The following DOK6 variants were observed in gnomAD, a reference collection of about 807,000 sequenced individuals.
DOK6 encodes downstream of tyrosine kinase 6.
In DOK6, 22 loss-of-function variants were observed where a neutral mutation model predicts 44.0. The observed-to-expected ratio is 0.50, with a 90% CI of 0.36 to 0.71. The LOEUF (loss-of-function observed/expected upper bound fraction) is 0.71. Among genes scored for constraint, DOK6 ranks in the 30% least tolerant of loss-of-function variants. DOK6 has a pLI of 0.00. For synonymous variants in DOK6, 166 were observed against 145.5 expected (o/e 1.14, Z -1.01); for missense variants, 340 against 416.4 (o/e 0.82, Z 1.60).
intron 1 of DOK6, among the ~76,000 whole-genome samples, chr18:69,450,911 C>T (rs1470598107): frequency 2.0e-5 from 3 of 150,294 alleles, no homozygotes; most frequent in Non-Finnish European, 3.0e-5. Flanking sequence ...CTGAAAGAAG[C>T]GCTAAACATG....
At chr18:69,761,797 G>A (rs1979563792) in intron 7 of DOK6, among the ~76,000 whole-genome samples, 1 of 152,138 alleles carries the variant, frequency 6.6e-6, no homozygotes, top group Non-Finnish European at 1.5e-5. Context: ...GAGCTCAATG[G>A]CCACTAGGAA....
intron 1 of DOK6, among the ~76,000 whole-genome samples, chr18:69,404,786 G>GGTGTGT (rs59807127): frequency 1.2e-4 from 18 of 149,946 alleles, no homozygotes; most frequent in African/African-American, 4.2e-4. Context: ...AGGATAGGGT[G>GGTGTGT]GTGTGTGTGT....
intron 3 of DOK6, among the ~76,000 whole-genome samples, chr18:69,602,713 C>G (rs1215956762): frequency 6.6e-6 from 1 of 152,024 alleles, no homozygotes; most frequent in African/African-American, 2.4e-5. Context: ...CAATCTAAAA[C>G]TATACCAAAA....
chr18:69,528,279 T>C (rs550119952), intron 1 of DOK6, among the ~76,000 whole-genome samples: 25 of 152,278 alleles, frequency 1.6e-4, no homozygotes, highest in South Asian at 1.0e-3. Context: ...TTCTTTCCCA[T>C]GTTCTATCAG....
chr18:69,407,430 G>A (rs1916226226), intron 1 of DOK6, among the ~76,000 whole-genome samples: 1 of 152,060 alleles, frequency 6.6e-6, no homozygotes, highest in South Asian at 2.1e-4. Context: ...GATTTCTTTA[G>A]CCTCGGTTTT....
At chr18:69,629,193 G>A (rs528393874) in intron 3 of DOK6, among the ~76,000 whole-genome samples, 16 of 152,302 alleles carry the variant, frequency 1.1e-4, no homozygotes, top group African/African-American at 3.1e-4. Context: ...CTATGCAGAG[G>A]TTCATTTGTA....
chr18:69,514,103 T>C (rs1265975109), intron 1 of DOK6, among the ~76,000 whole-genome samples: 1 of 152,122 alleles, frequency 6.6e-6, no homozygotes, highest in East Asian at 1.9e-4. Flanking sequence ...AGATTTTTTC[T>C]CTTGAAATTT....
intron 3 of DOK6, among the ~76,000 whole-genome samples, chr18:69,653,276 A>T (rs536701028): frequency 5.3e-5 from 8 of 151,322 alleles, no homozygotes; most frequent in Admixed American, 3.3e-4. Context: ...GCTGAGAAGA[A>T]TTTTAGGCAG....
At chr18:69,723,446 C>T (rs1389195207) in intron 5 of DOK6, among the ~76,000 whole-genome samples, 3 of 152,178 alleles carry the variant, frequency 2.0e-5, no homozygotes, top group African/African-American at 7.2e-5. Flanking sequence ...CAGGCAAACT[C>T]TCTGATGGGG....
chr18:69,737,684 A>T (rs758972305), intron 5 of DOK6, among the ~76,000 whole-genome samples: 5 of 152,168 alleles, frequency 3.3e-5, no homozygotes, highest in Non-Finnish European at 7.4e-5. Flanking sequence ...TGATCAAAGG[A>T]TGAAGTTTAC....
At chr18:69,824,004 G>A (rs886670681) in intron 7 of DOK6, among the ~76,000 whole-genome samples, 1 of 152,020 alleles carries the variant, frequency 6.6e-6, no homozygotes, top group Non-Finnish European at 1.5e-5. Context: ...AAAGCAAACA[G>A]AAACTTACAT....
At chr18:69,521,809 G>C (rs983947218) in intron 1 of DOK6, among the ~76,000 whole-genome samples, 1 of 151,856 alleles carries the variant, frequency 6.6e-6, no homozygotes, top group African/African-American at 2.4e-5. Context: ...ACAAAGAAAT[G>C]ATAAATGTTT....
At position 69,431,750 on chromosome 18, in the gene DOK6, C is replaced by T. The variant is rs888114750; in HGVS notation, c.66+30440C>T. On this transcript the variant is annotated intron_variant, in intron 1 of 7. Coordinates refer to ENST00000382713, the MANE Select transcript of DOK6 (RefSeq NM_152721.6). ...TTACTGCCTACTGTTGAAATCTCCC[C>T]ACCCCATGGATAAAGTCTTATAAGT... 2.8e-4 allele frequency among the ~76,000 whole-genome samples: 42 copies of T among 152,112 alleles called. 1 individual carries two copies. The highest frequency in any genetic ancestry group is 1.0e-4 in the Non-Finnish European group (7 of 68,020).
At chr18:69,815,153 G>A (rs758363001) in intron 7 of DOK6, among the ~76,000 whole-genome samples, 1 of 152,078 alleles carries the variant, frequency 6.6e-6, no homozygotes, top group Non-Finnish European at 1.5e-5. Context: ...AGGGTTAATG[G>A]GAAATGAAAG....
chr18:69,628,203 G>C (rs1984603380), intron 3 of DOK6, among the ~76,000 whole-genome samples: 1 of 152,114 alleles, frequency 6.6e-6, no homozygotes. Context: ...CAAATGTTTG[G>C]GGAGGCTTGG....
chr18:69,732,093 T>C (rs1978425697), intron 5 of DOK6, among the ~76,000 whole-genome samples: 1 of 151,888 alleles, frequency 6.6e-6, no homozygotes, highest in Non-Finnish European at 1.5e-5. Context: ...TTTGTTTTGC[T>C]TTTTTTTCCT....
chr18:69,601,569 A>C (rs1413663907), intron 3 of DOK6, among the ~76,000 whole-genome samples: 2 of 152,228 alleles, frequency 1.3e-5, no homozygotes, highest in Non-Finnish European at 2.9e-5. Flanking sequence ...AGCAGCGCCC[A>C]ACTCCCAACC....
intron 1 of DOK6, among the ~76,000 whole-genome samples, chr18:69,422,483 CATATATTAAGTAGAT>C (rs1437836641): frequency 6.6e-6 from 1 of 152,138 alleles, no homozygotes; most frequent in Non-Finnish European, 1.5e-5. Context: ...CATGTAGAAA[CATATATTAAGTAGAT>C]ATTTCTGTTA....
At chr18:69,592,806 G>C (rs1246740266) in intron 2 of DOK6, among the ~76,000 whole-genome samples, 1 of 151,984 alleles carries the variant, frequency 6.6e-6, no homozygotes, top group African/African-American at 2.4e-5. Flanking sequence ...ATAATTTACC[G>C]ATATTGAAAA....
Sources: gnomAD v4.1 joint callset for allele counts (sites outside exome capture counted in the v4.1 genomes callset) on GRCh38, gnomAD v4.1.1 for gene constraint, MANE v1.5 for transcripts, NCBI Gene and HGNC (gene_info 2026-07-23, HGNC 2026-07-21) for gene names.